Variants in PKD1L1 observed in about 807,000 individuals in gnomAD.
PKD1L1 encodes the protein polycystin-1-like protein 1.
Under a neutral mutation model 323.4 loss-of-function variants are expected in PKD1L1, and 236 were observed. The ratio of observed to expected loss-of-function variants is 0.73; its 90% CI spans 0.66 to 0.81. PKD1L1 has a LOEUF of 0.81. Ranked by LOEUF, PKD1L1 falls within the 40% of genes least tolerant of loss-of-function variation. PKD1L1 has a pLI of 0.00. For synonymous variants in PKD1L1, 1,344 were observed against 1,335.0 expected, an observed-to-expected ratio of 1.01 and a Z score of -0.15; for missense variants, 3,320 against 3,508.0, an observed-to-expected ratio of 0.95 and a Z score of 1.35.
intron 7 of PKD1L1, among the ~76,000 whole-genome samples, chr7:47,923,650 A>T (rs992310663): frequency 6.6e-6 from 1 of 151,548 alleles, no homozygotes; most frequent in South Asian, 2.1e-4. Context: ...TACTCTGGCA[A>T]AAATAAATAA....
At chr7:47,886,858 A>G (rs1786696685) in intron 17 of PKD1L1, among the ~76,000 whole-genome samples, 1 of 152,200 alleles carries the variant, frequency 6.6e-6, no homozygotes, top group South Asian at 2.1e-4. Context: ...TACAGCAAGT[A>G]TCTAGTATAA....
At chr7:47,937,892 C>T (rs78666228) in intron 3 of PKD1L1, among the ~76,000 whole-genome samples, 1,850 of 152,182 alleles carry the variant, frequency 0.012, 35 homozygotes, top group African/African-American at 0.042. Context: ...ACCTGTGCAG[C>T]TCTCCTTGTG....
chr7:47,959,552 C>A, the PKD1L1 span, among the ~76,000 whole-genome samples: 2 of 146,654 alleles, frequency 1.4e-5, no homozygotes, highest in Non-Finnish European at 3.0e-5. Context: ...TGCCCAGCCG[C>A]CCCGTCTGAG....
chr7:47,937,063 C>A, intron 3 of PKD1L1, 105 bp from the exon 4 acceptor site: 1 of 853,626 alleles, frequency 1.2e-6, no homozygotes, highest in South Asian at 1.6e-5. Flanking sequence ...TGGACCCCTG[C>A]TGTGCGCCCA....
At chr7:47,790,869 G>A (rs1053273564) in intron 56 of PKD1L1, among the ~76,000 whole-genome samples, 2 of 150,610 alleles carry the variant, frequency 1.3e-5, no homozygotes, top group Non-Finnish European at 2.9e-5. Context: ...TAATCTTTCC[G>A]TCTCAGCCTC....
intron 53 of PKD1L1, among the ~76,000 whole-genome samples, chr7:47,801,333 A>G (rs1240569711): frequency 3.9e-5 from 6 of 152,114 alleles, no homozygotes; most frequent in Non-Finnish European, 7.3e-5. Flanking sequence ...TCCAATTTTG[A>G]TGTAGATTTG....
intron 50 of PKD1L1, 64 bp downstream of exon 50, chr7:47,811,753 C>A: frequency 7.3e-7 from 1 of 1,374,730 alleles, no homozygotes; most frequent in Non-Finnish European, 1.0e-6. Flanking sequence ...TGGAGAAGCC[C>A]AGCCCAGGTG....
At chr7:47,846,443 G>A (rs1314461832) in intron 32 of PKD1L1, among the ~76,000 whole-genome samples, 1 of 152,306 alleles carries the variant, frequency 6.6e-6, no homozygotes, top group African/African-American at 2.4e-5. Context: ...GAAGATGAGG[G>A]ACTCTCAGGG....
At position 47,840,337 on chromosome 7, in the gene PKD1L1, T is replaced by A. The variant is rs1785541131; in HGVS notation, c.5552+124A>T. The A allele has an allele frequency of 3.1e-6, 2 of 634,924 alleles. No individual in the cohort carries two copies. Among genetic ancestry groups the A allele is most frequent in the East Asian group, 5.5e-5 (2 of 36,440 alleles). 39.3% of individuals were successfully genotyped at this position (634,924 alleles called of 1,614,324 possible). On this transcript the variant is annotated intron_variant, in intron 35 of 56. Coordinates refer to ENST00000289672, the MANE Select transcript of PKD1L1 (RefSeq NM_138295.5). The surrounding 1 kb of genome is among the most constrained non-coding windows in gnomAD (Gnocchi z 4.1). ...AATACATCATAAAATTGTTTGTATA[T>A]AAATCGATGCTCACTATTAGAGACC...
chr7:47,834,322 CATA>C lies in PKD1L1; in HGVS notation c.6174+14_6174+16del, dbSNP rs770478717. On this transcript the variant is annotated intron_variant, in intron 40 of 56. Coordinates refer to ENST00000289672, the MANE Select transcript of PKD1L1 (RefSeq NM_138295.5). ...TCATGCTAGAAGATTAGCTGCTGCGCATAATGATTGATTTACCTTGCGTGGCTC... is the reference window on the plus strand; with the variant it reads ...TCATGCTAGAAGATTAGCTGCTGCGCATGATTGATTTACCTTGCGTGGCTC... The C allele has an allele frequency of 2.5e-5, 41 of 1,611,052 alleles. No homozygotes were observed. The East Asian group carries it at 7.1e-4, about 28-fold the overall frequency.
chr7:47,882,915 G>A (rs1454798102), intron 19 of PKD1L1, among the ~76,000 whole-genome samples: 1 of 152,150 alleles, frequency 6.6e-6, no homozygotes, highest in Admixed American at 6.5e-5. Context: ...GGCAAAGGAA[G>A]GGCTCCTGCA....
intron 54 of PKD1L1, among the ~76,000 whole-genome samples, chr7:47,799,228 G>T (rs528414217): frequency 6.6e-6 from 1 of 152,276 alleles, no homozygotes; most frequent in African/African-American, 2.4e-5. Flanking sequence ...AACTAGTTTG[G>T]TGAGTAGGTG....
Position 47,815,275 on chromosome 7 carries a change from C to T in PKD1L1, c.7089+59G>A, listed in dbSNP as rs1319360761. The T allele has an allele frequency of 1.9e-6, 3 of 1,582,748 alleles. No individual in the cohort carries two copies. In the East Asian group the frequency reaches 6.7e-5, roughly 36 times the overall value. On this transcript the variant is annotated intron_variant, in intron 47 of 56. Coordinates refer to ENST00000289672, the MANE Select transcript of PKD1L1 (RefSeq NM_138295.5). ...CAGTTCAGCATTAGTGACTGTTTCA[C>T]CCACTGCAAGATAGCTTTTCTGAGA... is the stretch of plus-strand genomic sequence containing the variant.
In PKD1L1 at chr7:47,857,590, T is replaced by G; in HGVS notation, c.4590+15A>C. ...AATGGTCATTAGAAGTGGCAGGTCA[T>G]CTGTCAGCTTGTACCTGCCCAGGAG... On this transcript the variant is annotated intron_variant, in intron 28 of 56. Transcript: ENST00000289672. 6.2e-7 allele frequency: 1 copy of G among 1,600,220 alleles called. No individual in the cohort carries two copies. The highest frequency in any genetic ancestry group is 1.1e-5 in the South Asian group (1 of 90,460).
At chr7:47,864,576 T>TTTCCTTTC (rs967936305) in intron 26 of PKD1L1, among the ~76,000 whole-genome samples, 4 of 107,626 alleles carry the variant, frequency 3.7e-5, no homozygotes, top group East Asian at 3.0e-4. Context: ...TTTTTCTTTC[T>TTTCCTTTC]TTTCTTTCTT....
chr7:47,844,752 T>C (rs1301638644), intron 33 of PKD1L1, among the ~76,000 whole-genome samples: 1 of 152,238 alleles, frequency 6.6e-6, no homozygotes, highest in Non-Finnish European at 1.5e-5. Flanking sequence ...GAAAAGTATG[T>C]TGACTTTCTT....
chr7:47,802,191 CAAAAA>C (rs5884026), intron 53 of PKD1L1, among the ~76,000 whole-genome samples: 6 of 105,920 alleles, frequency 5.7e-5, no homozygotes, highest in African/African-American at 6.9e-5. Flanking sequence ...GACTCTATCT[CAAAAA>C]AAAAAAAAAA....
At chr7:47,811,404 C>T (rs909031403) in intron 50 of PKD1L1, among the ~76,000 whole-genome samples, 2 of 152,216 alleles carry the variant, frequency 1.3e-5, no homozygotes, top group African/African-American at 4.8e-5. Flanking sequence ...ATCCGCCCAC[C>T]TCGGCCTCCC....
At chr7:47,865,181 A>C in intron 26 of PKD1L1, 35 bp downstream of exon 26, 1 of 1,537,934 alleles carries the variant, frequency 6.5e-7, no homozygotes, top group Non-Finnish European at 9.0e-7. Flanking sequence ...ACTATATAAA[A>C]TAGGAAAATA....
Sources: allele counts gnomAD v4.1 joint callset (sites outside exome capture counted in the v4.1 genomes callset), GRCh38; gene constraint gnomAD v4.1.1; non-coding constraint Gnocchi (gnomAD v3.1); transcripts MANE v1.5; gene names NCBI Gene and HGNC (gene_info 2026-07-23, HGNC 2026-07-21).